GRB10: variants seen among roughly 807,000 people sequenced by gnomAD.
The protein encoded by GRB10 is growth factor receptor-bound protein 10.
A neutral mutation model predicts 80.9 loss-of-function variants in GRB10; 20 were observed. The observed-to-expected ratio is 0.25, with a 90% confidence interval of 0.17 to 0.36. GRB10 has a LOEUF of 0.36. Among genes scored for constraint, GRB10 ranks in the 10% least tolerant of loss-of-function variants. The pLI, the probability that GRB10 is intolerant of heterozygous loss-of-function variation, is 1.00. For missense variants in GRB10, 548 were observed against 747.7 expected (o/e 0.73, Z 3.12); for synonymous variants, 291 against 291.5 (o/e 1.00, Z 0.02).
intron 3 of GRB10, among the ~76,000 whole-genome samples, chr7:50,755,506 C>T (rs189195340): frequency 1.2e-4 from 18 of 152,300 alleles, no homozygotes; most frequent in South Asian, 2.1e-4. Flanking sequence ...CAGCTACCAA[C>T]TCCTGAGGCT....
chr7:50,648,204 AG>A (rs753440404), intron 7 of GRB10, among the ~76,000 whole-genome samples: 4 of 152,128 alleles, frequency 2.6e-5, no homozygotes, highest in Non-Finnish European at 5.9e-5. Flanking sequence ...ATGGCTGAGA[AG>A]GAAAGTCCAG....
intron 4 of GRB10, among the ~76,000 whole-genome samples, chr7:50,723,190 G>A (rs1167661849): frequency 1.3e-5 from 2 of 151,814 alleles, no homozygotes; most frequent in Non-Finnish European, 2.9e-5. Context: ...GAGAAAAGTT[G>A]CAGTGAAGCA....
chr7:50,715,062 G>A (rs2066636803), intron 4 of GRB10, among the ~76,000 whole-genome samples: 1 of 151,962 alleles, frequency 6.6e-6, no homozygotes, highest in South Asian at 2.1e-4. Flanking sequence ...CCTTGGTGGT[G>A]GCTTTTCCTC....
intron 1 of GRB10, chr7:50,792,544 A>T: frequency 2.5e-6 from 1 of 398,446 alleles, no homozygotes; most frequent in Non-Finnish European, 4.4e-6. Flanking sequence ...CCTTCTGCAA[A>T]CGGTACCGCT....
At chr7:50,656,981 T>C (rs996971365) in intron 7 of GRB10, among the ~76,000 whole-genome samples, 2 of 152,224 alleles carry the variant, frequency 1.3e-5, no homozygotes, top group Non-Finnish European at 2.9e-5. Flanking sequence ...GCATCATTTA[T>C]AGCACAGACA....
At chr7:50,723,340 C>T (rs146835945) in intron 4 of GRB10, among the ~76,000 whole-genome samples, 2 of 152,328 alleles carry the variant, frequency 1.3e-5, no homozygotes, top group East Asian at 1.9e-4. Context: ...CTTTAAGCCC[C>T]GGCTATGTCT....
chr7:50,612,453 G>A (rs1458283029), intron 13 of GRB10, among the ~76,000 whole-genome samples: 1 of 152,106 alleles, frequency 6.6e-6, no homozygotes, highest in East Asian at 1.9e-4. Context: ...TAAGTGGCCT[G>A]CAATGCTTGG....
At chr7:50,600,087 G>A (rs963592948) in intron 17 of GRB10, among the ~76,000 whole-genome samples, 4 of 152,176 alleles carry the variant, frequency 2.6e-5, no homozygotes, top group African/African-American at 9.7e-5. Flanking sequence ...CTACCCCGAA[G>A]TGAGCCTGCG....
intron 2 of GRB10, among the ~76,000 whole-genome samples, chr7:50,773,733 T>C (rs1007059290): frequency 1.3e-5 from 2 of 152,268 alleles, no homozygotes; most frequent in Admixed American, 1.3e-4. Flanking sequence ...TACTCAAAGA[T>C]AGTTATACAC....
chr7:50,666,720 C>T (rs529793685), intron 7 of GRB10, among the ~76,000 whole-genome samples: 5 of 152,108 alleles, frequency 3.3e-5, no homozygotes, highest in African/African-American at 4.8e-5. Context: ...TATCACATTA[C>T]GGAGCTACCA....
At chr7:50,757,813 T>C (rs1038280306) in intron 2 of GRB10, among the ~76,000 whole-genome samples, 5 of 152,198 alleles carry the variant, frequency 3.3e-5, no homozygotes, top group African/African-American at 1.2e-4. Context: ...GTGTGTCCCA[T>C]CTCTAGAGAG....
chr7:50,627,792 G>A (rs568121925), intron 7 of GRB10, among the ~76,000 whole-genome samples: 1 of 152,252 alleles, frequency 6.6e-6, no homozygotes, highest in Non-Finnish European at 1.5e-5. Context: ...AGTCAGAGGA[G>A]CAAGATGGCA....
intron 2 of GRB10, among the ~76,000 whole-genome samples, chr7:50,770,630 A>G (rs2076895833): frequency 6.6e-6 from 1 of 152,224 alleles, no homozygotes; most frequent in South Asian, 2.1e-4. Context: ...GCGAATGCAC[A>G]GCGGAGTTTT....
chr7:50,618,102 T>C lies in GRB10; in HGVS notation c.815A>G (p.Gln272Arg). 6.2e-7 allele frequency: 1 copy of C among 1,614,080 alleles called. No individual in the cohort carries two copies. The change falls in exon 10 of 19, where the codon CAG becomes CGG. Residue 272 changes from glutamine to arginine, a missense_variant. By Grantham distance (43) the Gln-to-Arg change is conservative. Coordinates refer to ENST00000401949, the MANE Select transcript of GRB10 (RefSeq NM_001350814.2). Reference protein sequence around the residue: ...FPEQMVTWCQQSNGSQTQLLQ... With the variant: ...FPEQMVTWCQRSNGSQTQLLQ... ...AAGCTGGGTTTGACTGCCATTTGAC[T>C]GCTGGCACCAAGTAACCATCTGTTC... is the stretch of plus-strand genomic sequence containing the variant.
chr7:50,743,868 A>C (rs2153697802), intron 3 of GRB10, among the ~76,000 whole-genome samples: 1 of 152,338 alleles, frequency 6.6e-6, no homozygotes, highest in Non-Finnish European at 1.5e-5. Context: ...AACTGATCTG[A>C]GACCCAGAAA....
chr7:50,781,529 A>C (rs1387545405), intron 1 of GRB10: 2 of 152,292 alleles, frequency 1.3e-5, no homozygotes, highest in Admixed American at 1.3e-4. Flanking sequence ...CAGACTTAAA[A>C]AGAACAATGA....
intron 3 of GRB10, among the ~76,000 whole-genome samples, chr7:50,735,413 A>G (rs1043204594): frequency 7.9e-5 from 12 of 152,296 alleles, no homozygotes; most frequent in Admixed American, 3.3e-4. Context: ...TATCCTAATG[A>G]TATTTTTTTT....
intron 3 of GRB10, among the ~76,000 whole-genome samples, chr7:50,741,388 G>A (rs13236710): frequency 0.091 from 13,790 of 151,870 alleles, 665 homozygotes; most frequent in East Asian, 0.17. Flanking sequence ...TGCAGAACAC[G>A]GCCCCAAGGA....
chr7:50,730,007 A>G (rs2069379905), intron 4 of GRB10, among the ~76,000 whole-genome samples: 2 of 152,134 alleles, frequency 1.3e-5, no homozygotes, highest in Admixed American at 1.3e-4. Context: ...TAATTTAGAC[A>G]TATTTCCTCT....
Sources: allele counts gnomAD v4.1 joint callset (sites outside exome capture counted in the v4.1 genomes callset), GRCh38; gene constraint gnomAD v4.1.1; transcripts MANE v1.5; gene names NCBI Gene and HGNC (gene_info 2026-07-23, HGNC 2026-07-21).